SH3KBP1: variants seen among roughly 807,000 people sequenced by gnomAD.
The protein encoded by SH3KBP1 is SH3 domain containing kinase binding protein 1.
A neutral mutation model predicts 50.1 loss-of-function variants in SH3KBP1; 8 were observed. That is an observed-to-expected ratio of 0.16 (90% CI 0.09 to 0.29). SH3KBP1 has a LOEUF of 0.29. SH3KBP1 is among the 10% of genes least tolerant of loss of function. The pLI is 1.00. For synonymous variants in SH3KBP1, 227 were observed against 218.6 expected, an observed-to-expected ratio of 1.04 and a Z score of -0.34; for missense variants, 377 against 535.2, an observed-to-expected ratio of 0.70 and a Z score of 2.92.
intron 14 of SH3KBP1, among the ~76,000 whole-genome samples, chrX:19,547,863 G>A (rs2147617979): frequency 8.9e-6 from 1 of 112,571 alleles, no homozygotes; most frequent in South Asian, 3.6e-4. Context: ...AAATCCACAG[G>A]TGCTAACTGA....
intron 12 of SH3KBP1, among the ~76,000 whole-genome samples, chrX:19,580,693 C>A (rs760716152): frequency 1.8e-5 from 2 of 111,522 alleles, no homozygotes; most frequent in Non-Finnish European, 3.8e-5. Context: ...TTCGGATGCA[C>A]GCCCAGGTGT....
intron 2 of SH3KBP1, among the ~76,000 whole-genome samples, chrX:19,803,710 A>T (rs1377583652): frequency 8.9e-6 from 1 of 111,899 alleles, no homozygotes; most frequent in Non-Finnish European, 1.9e-5. Flanking sequence ...AGATTTACGA[A>T]ATGTTAAGAA....
At chrX:19,721,019 G>A (rs1474419655) in intron 3 of SH3KBP1, among the ~76,000 whole-genome samples, 1 of 111,274 alleles carries the variant, frequency 9.0e-6, no homozygotes, top group African/African-American at 3.3e-5. Flanking sequence ...TCTTTTGGGG[G>A]TAGGGGGAGA....
At chrX:19,558,125 G>A (rs1257674442) in intron 13 of SH3KBP1, among the ~76,000 whole-genome samples, 5 of 112,053 alleles carry the variant, frequency 4.5e-5, no homozygotes, top group Non-Finnish European at 7.5e-5. Flanking sequence ...ATTCTCTATT[G>A]GAAACAGTAG....
intron 2 of SH3KBP1, among the ~76,000 whole-genome samples, chrX:19,768,234 G>T (rs1456058230): frequency 9.3e-6 from 1 of 107,983 alleles, no homozygotes; most frequent in Non-Finnish European, 1.9e-5. Flanking sequence ...TACCACCCTG[G>T]CTCAGCAATA....
At chrX:19,651,184 A>G (rs548587906) in intron 6 of SH3KBP1, among the ~76,000 whole-genome samples, 2 of 110,671 alleles carry the variant, frequency 1.8e-5, no homozygotes, top group South Asian at 7.9e-4. Context: ...CCAGAAAAGA[A>G]CTAGCACAAA....
chrX:19,659,011 G>A (rs5955571), intron 6 of SH3KBP1, among the ~76,000 whole-genome samples: 29,918 of 107,091 alleles, frequency 0.28, 4,904 homozygotes, highest in African/African-American at 0.61. Context: ...GCTGGAGTGC[G>A]GTGGTGCCAT....
In SH3KBP1 at chrX:19,750,827, G is replaced by GA. The variant is rs1172250738; in HGVS notation, c.163-4387dup. Among the ~76,000 whole-genome samples, 105 of 101,421 alleles carry GA rather than the reference G, an allele frequency of 1.0e-3. 1 individual carries two copies. In the South Asian group the frequency reaches 0.015, roughly 14 times the overall value. 88.1% of individuals were successfully genotyped at this position (101,421 alleles called of 115,157 possible). Reference sequence around the variant, plus strand: ...TTGTTCCTAACAACAACACTGTCAGGAAAAAAAAAAACAACTGATTTTGCC... The same window carrying GA: ...TTGTTCCTAACAACAACACTGTCAGGAAAAAAAAAAAACAACTGATTTTGCC... On this transcript the variant is annotated intron_variant, in intron 2 of 17. Coordinates refer to ENST00000397821, the MANE Select transcript of SH3KBP1 (RefSeq NM_031892.3).
At chrX:19,771,022 C>A (rs755303561) in intron 2 of SH3KBP1, among the ~76,000 whole-genome samples, 4 of 111,802 alleles carry the variant, frequency 3.6e-5, no homozygotes, top group Non-Finnish European at 7.5e-5. Context: ...TGCTAACATA[C>A]TGAATTTTTA....
At chrX:19,790,715 A>C (rs1012255152) in intron 2 of SH3KBP1, among the ~76,000 whole-genome samples, 15 of 110,928 alleles carry the variant, frequency 1.4e-4, no homozygotes, top group African/African-American at 4.9e-4. Flanking sequence ...TGGAAGAGAT[A>C]AGAGGGGTAG....
At chrX:19,746,506 T>G in intron 2 of SH3KBP1, 65 bp from the exon 3 acceptor site, 1 of 1,039,568 alleles carries the variant, frequency 9.6e-7, no homozygotes, top group Non-Finnish European at 1.3e-6. Context: ...TCTTGGACTA[T>G]CTTAAGCTCC....
In SH3KBP1 at chrX:19,542,315, C is replaced by A; in HGVS notation, c.1624-122G>T. 6.9e-6 allele frequency: 5 copies of A among 722,714 alleles called. No homozygotes were observed. In the South Asian group the frequency reaches 1.8e-4, roughly 26 times the overall value. 59.6% of individuals were successfully genotyped at this position (722,714 alleles called of 1,213,427 possible). A position where few individuals can be genotyped will look rare whatever the true frequency, so the allele number is the denominator to read the frequency against. ...CGCCTCTCTCCACACACTCCATTCA[C>A]TTGTTCCTTCATCCACAAGCCACCA... On this transcript the variant is annotated intron_variant, in intron 15 of 17. Coordinates refer to ENST00000397821, the MANE Select transcript of SH3KBP1 (RefSeq NM_031892.3).
intron 2 of SH3KBP1, among the ~76,000 whole-genome samples, chrX:19,831,966 T>C (rs898438266): frequency 4.5e-5 from 5 of 111,685 alleles, no homozygotes; most frequent in Admixed American, 1.9e-4. Context: ...TACAGAGTCC[T>C]GGTTATTGTT....
intron 2 of SH3KBP1, among the ~76,000 whole-genome samples, chrX:19,791,865 C>T (rs772937406): frequency 4.7e-4 from 52 of 111,664 alleles, no homozygotes; most frequent in African/African-American, 1.6e-3. Flanking sequence ...TTTCCACACC[C>T]CATTCTGCAA....
At chrX:19,613,674 G>A (rs890252625) in intron 8 of SH3KBP1, among the ~76,000 whole-genome samples, 20 of 112,537 alleles carry the variant, frequency 1.8e-4, no homozygotes, top group Admixed American at 9.4e-5. Context: ...AGCATTAGGC[G>A]TTGTGTAGTC....
intron 6 of SH3KBP1, among the ~76,000 whole-genome samples, chrX:19,646,859 T>TA (rs199528331): frequency 0.016 from 1,776 of 111,765 alleles, 33 homozygotes; most frequent in African/African-American, 0.055. Flanking sequence ...CTGTATTGGA[T>TA]AAAAAATGGA....
chrX:19,652,988 T>G (rs5955830), intron 6 of SH3KBP1, among the ~76,000 whole-genome samples: 10,266 of 110,389 alleles, frequency 0.093, 1,100 homozygotes, highest in African/African-American at 0.31. Context: ...TTGTTGTTGG[T>G]TTTTTTTTGT....
chrX:19,689,577 T>G (rs1399681712), intron 5 of SH3KBP1, among the ~76,000 whole-genome samples: 2 of 111,743 alleles, frequency 1.8e-5, no homozygotes, highest in African/African-American at 6.5e-5. Context: ...AGATGTAGTC[T>G]GGGCTGGGGC....
chrX:19,689,483 C>T lies in SH3KBP1; in HGVS notation c.521-5455G>A, dbSNP rs116551746. On this transcript the variant is annotated intron_variant, in intron 5 of 17. Coordinates refer to ENST00000397821, the MANE Select transcript of SH3KBP1 (RefSeq NM_031892.3). Reference sequence around the variant, plus strand: ...TCCCTAACACCAAGCCTGAGAGTCACTGAGGTAGACCATGGCTCTGATGTC... The same window carrying T: ...TCCCTAACACCAAGCCTGAGAGTCATTGAGGTAGACCATGGCTCTGATGTC... 5.8e-3 allele frequency among the ~76,000 whole-genome samples: 655 copies of T among 112,217 alleles called. 7 individuals are homozygous for T. The highest frequency in any genetic ancestry group is 0.019 in the African/African-American group (595 of 30,864).
Sources: allele counts gnomAD v4.1 joint callset (sites outside exome capture counted in the v4.1 genomes callset), GRCh38; gene constraint gnomAD v4.1.1; transcripts MANE v1.5; gene names NCBI Gene and HGNC (gene_info 2026-07-23, HGNC 2026-07-21).